The following METTL8 variants were observed in gnomAD, a reference collection of about 807,000 sequenced individuals.
METTL8 encodes tRNA N(3)-cytidine methyltransferase METTL8, mitochondrial.
Under a neutral mutation model 48.7 loss-of-function variants are expected in METTL8, and 32 were observed. The observed-to-expected ratio is 0.66, with a 90% CI of 0.50 to 0.88. METTL8 has a LOEUF of 0.88. Ranked by LOEUF, METTL8 falls within the 40% of genes least tolerant of loss-of-function variation. METTL8 has a pLI of 0.00. For missense variants in METTL8, 464 were observed against 474.4 expected (o/e 0.98, Z 0.20); for synonymous variants, 136 against 157.1 (o/e 0.87, Z 1.01).
At chr2:171,389,075 A>G (rs937125591) in intron 2 of METTL8, among the ~76,000 whole-genome samples, 1 of 152,194 alleles carries the variant, frequency 6.6e-6, no homozygotes, top group African/African-American at 2.4e-5. Flanking sequence ...AATGAAAGGA[A>G]TAGTTATATA....
chr2:171,374,836 T>C (rs1574035938), intron 2 of METTL8: 2 of 701,836 alleles, frequency 2.8e-6, no homozygotes, highest in African/African-American at 3.5e-5. Flanking sequence ...ACATACACAG[T>C]AGGTGTATGT....
chr2:171,402,931 T>A (rs1038810976), intron 1 of METTL8, among the ~76,000 whole-genome samples: 3 of 152,144 alleles, frequency 2.0e-5, no homozygotes, highest in Non-Finnish European at 2.9e-5. Context: ...AAAGCTAGAA[T>A]ACTCTGAGCA....
intron 3 of METTL8, among the ~76,000 whole-genome samples, chr2:171,351,363 T>G (rs184177166): frequency 6.6e-6 from 1 of 152,348 alleles, no homozygotes; most frequent in African/African-American, 2.4e-5. Flanking sequence ...TTGGTTACTG[T>G]AGGCTTGTAG....
chr2:171,413,264 T>C (rs975184296), intron 1 of METTL8, among the ~76,000 whole-genome samples: 28 of 152,236 alleles, frequency 1.8e-4, no homozygotes, highest in Admixed American at 1.5e-3. Flanking sequence ...CATATTCATC[T>C]GAAGAGACAA....
intron 3 of METTL8, among the ~76,000 whole-genome samples, chr2:171,354,907 A>G (rs1684360824): frequency 6.6e-6 from 1 of 152,074 alleles, no homozygotes; most frequent in Non-Finnish European, 1.5e-5. Flanking sequence ...GGGCTCGAAC[A>G]TCCTCCTTTA....
chr2:171,367,792 T>C (rs903885279), intron 2 of METTL8, among the ~76,000 whole-genome samples: 5 of 152,258 alleles, frequency 3.3e-5, no homozygotes, highest in Non-Finnish European at 7.3e-5. Context: ...TGTAAGGTTC[T>C]TAATTTTATG....
chr2:171,381,549 C>T (rs995569157), intron 2 of METTL8, among the ~76,000 whole-genome samples: 2 of 151,670 alleles, frequency 1.3e-5, no homozygotes, highest in East Asian at 3.9e-4. Context: ...GGTATTTAAA[C>T]AAATTTACAA....
At chr2:171,429,597 A>G (rs1692772806) in intron 1 of METTL8, among the ~76,000 whole-genome samples, 1 of 152,248 alleles carries the variant, frequency 6.6e-6, no homozygotes, top group Admixed American at 6.5e-5. Context: ...TAAAAGATAC[A>G]ACACACACAT....
At chr2:171,405,633 T>G (rs554032155) in intron 1 of METTL8, among the ~76,000 whole-genome samples, 1 of 152,214 alleles carries the variant, frequency 6.6e-6, no homozygotes, top group Admixed American at 6.5e-5. Flanking sequence ...CTGCAAAGAT[T>G]CTTGAGTATC....
chr2:171,405,934 A>G (rs1051747039), intron 1 of METTL8, among the ~76,000 whole-genome samples: 13 of 152,194 alleles, frequency 8.5e-5, no homozygotes, highest in Non-Finnish European at 1.8e-4. Flanking sequence ...ACAGAAAAAA[A>G]ATGGGAAAGG....
At chr2:171,381,180 T>C (rs954981327) in intron 2 of METTL8, among the ~76,000 whole-genome samples, 4 of 152,152 alleles carry the variant, frequency 2.6e-5, no homozygotes, top group African/African-American at 9.7e-5. Flanking sequence ...ATATAAATGG[T>C]GCTGGGAAAA....
intron 7 of METTL8, among the ~76,000 whole-genome samples, chr2:171,327,235 T>C (rs1250044389): frequency 2.0e-5 from 3 of 152,228 alleles, no homozygotes; most frequent in Non-Finnish European, 2.9e-5. Flanking sequence ...CAATCCCTTA[T>C]AGCTGCTCTT....
upstream of METTL8, chr2:171,434,516 C>T (rs1256152679): frequency 1.3e-6 from 2 of 1,523,716 alleles, no homozygotes; most frequent in African/African-American, 1.4e-5. Flanking sequence ...GGCTGCCCAG[C>T]ACGGGAGTGT....
Position 171,318,499 on chromosome 2 carries a change from T to C in METTL8, c.*5673A>G, listed in dbSNP as rs1488703522. 6.6e-6 allele frequency: 1 copy of C among 152,188 alleles called. No individual in the cohort carries two copies. Among genetic ancestry groups the C allele is most frequent in the African/African-American group, 2.4e-5 (1 of 41,426 alleles). 9.4% of individuals were successfully genotyped at this position (152,188 alleles called of 1,614,324 possible). A position where few individuals can be genotyped will look rare whatever the true frequency, so the allele number is the denominator to read the frequency against. On this transcript the variant is annotated 3_prime_UTR_variant, in exon 10 of 10. Transcript: ENST00000375258. The stretch of plus-strand genomic sequence containing the variant: ...TTTCTTTAAGCGAGGAGTATGCAAG[T>C]GAGAGTGCTCTGCGAGGAGGGATGC...
At chr2:171,432,126 C>T (rs1693094941) in intron 1 of METTL8, among the ~76,000 whole-genome samples, 1 of 152,142 alleles carries the variant, frequency 6.6e-6, no homozygotes, top group Non-Finnish European at 1.5e-5. Context: ...AGGAGTGGCC[C>T]AGTGGGCCAG....
chr2:171,353,414 T>A (rs1199827475), intron 3 of METTL8, among the ~76,000 whole-genome samples: 1 of 152,182 alleles, frequency 6.6e-6, no homozygotes, highest in Non-Finnish European at 1.5e-5. Flanking sequence ...GGAATAAGTG[T>A]GATGTGGTGC....
Position 171,366,662 on chromosome 2 carries a change from G to GA in METTL8, c.144-6150dup, listed in dbSNP as rs573884843. 1.1e-4 allele frequency among the ~76,000 whole-genome samples: 17 copies of GA among 152,026 alleles called. No homozygotes were observed. The East Asian group carries it at 1.2e-3, about 10-fold the overall frequency. Reference sequence around the variant, plus strand: ...GAATGCACAGATGGAAGAAATCTCAGAAAAAAATGAAAACTTCTTTTTAAA... The same window carrying GA: ...GAATGCACAGATGGAAGAAATCTCAGAAAAAAAATGAAAACTTCTTTTTAAA... On this transcript the variant is annotated intron_variant, in intron 2 of 9. Coordinates refer to ENST00000375258, the MANE Select transcript of METTL8 (RefSeq NM_001321154.2).
Position 171,375,097 on chromosome 2 carries a change from G to A in METTL8, c.144-14584C>T, listed in dbSNP as rs531674595. 1.4e-5 allele frequency: 17 copies of A among 1,203,594 alleles called. No individual in the cohort carries two copies. In the African/African-American group the frequency reaches 2.4e-4, roughly 17 times the overall value. The allele number at this position is 1,203,594 out of a possible 1,614,324, so 74.6% of individuals were successfully genotyped here. A position where few individuals can be genotyped will look rare whatever the true frequency, so the allele number is the denominator to read the frequency against. ...CACATACAGCTTGGGAAGCACATAGGCATTGAAGACGCTCACTTCAGAAAT... is the reference window on the plus strand; with the variant it reads ...CACATACAGCTTGGGAAGCACATAGACATTGAAGACGCTCACTTCAGAAAT... On this transcript the variant is annotated intron_variant, in intron 2 of 9. Coordinates refer to ENST00000375258, the MANE Select transcript of METTL8 (RefSeq NM_001321154.2).
intron 3 of METTL8, among the ~76,000 whole-genome samples, chr2:171,344,571 A>C (rs1161214346): frequency 2.0e-5 from 3 of 152,232 alleles, no homozygotes; most frequent in Non-Finnish European, 4.4e-5. Context: ...AGAAATACAT[A>C]ATTAATTAAA....
Sources: gnomAD v4.1 joint callset for allele counts (sites outside exome capture counted in the v4.1 genomes callset) on GRCh38, gnomAD v4.1.1 for gene constraint, MANE v1.5 for transcripts, NCBI Gene and HGNC (gene_info 2026-07-23, HGNC 2026-07-21) for gene names.